The following CANT1 variants were observed in gnomAD, a reference collection of about 807,000 sequenced individuals.
CANT1 encodes calcium activated nucleotidase 1.
Under a neutral mutation model 30.0 loss-of-function variants are expected in CANT1, and 26 were observed. The ratio of observed to expected loss-of-function variants is 0.87; its 90% CI spans 0.64 to 1.20. The LOEUF (loss-of-function observed/expected upper bound fraction) is 1.20, where lower values mean the gene tolerates loss of function less well. Ranked by LOEUF, CANT1 falls within the 50% of genes most tolerant of loss-of-function variation. The pLI is 0.00. For synonymous variants in CANT1, 246 were observed against 251.8 expected, an observed-to-expected ratio of 0.98 and a Z score of 0.22; for missense variants, 518 against 563.0, an observed-to-expected ratio of 0.92 and a Z score of 0.81.
Position 78,993,819 on chromosome 17 carries a change from C to G in CANT1, c.937G>C (p.Glu313Gln). The part of the protein sequence containing the change: ...SQERYSEKDD[E>Q]RKGANLLLSA... The stretch of plus-strand genomic sequence containing the variant: ...AGCAGCAGGTTGGCGCCCTTGCGCT[C>G]GTCGTCCTTCTCGCTGTAGCGCTCC... The change falls in exon 5 of 5, where the codon GAG (glutamate) becomes CAG (glutamine). Residue 313 changes from glutamate to glutamine, a missense_variant. Physicochemically the swap from Glu to Gln is conservative, Grantham distance 29. Around this residue, in one of 3 missense-constraint regions of CANT1, gnomAD observed 221 missense variants for 211.8 expected, o/e 1.04. Transcript: ENST00000392446. This position sits in a 1 kb window ranked among gnomAD's most constrained non-coding sequence, Gnocchi z 4.5. 2 of 1,606,544 alleles carry G rather than the reference C, an allele frequency of 1.2e-6. No individual in the cohort carries two copies. The highest frequency in any genetic ancestry group is 2.2e-5 in the South Asian group (2 of 90,948).
chr17:79,007,709 C>T (rs148299366), intron 1 of CANT1, among the ~76,000 whole-genome samples: 4 of 152,314 alleles, frequency 2.6e-5, no homozygotes, highest in Admixed American at 6.5e-5. Context: ...GGGGGTCCTG[C>T]AGACCAGGTG....
Position 79,002,680 on chromosome 17 carries a change from T to G in CANT1, c.-146-4717A>C, listed in dbSNP as rs1435158395. On this transcript the variant is annotated intron_variant, in intron 1 of 4. Transcript: ENST00000392446. The surrounding 1 kb of genome is among the most constrained non-coding windows in gnomAD (Gnocchi z 4.0). ...GCTGAAAATACTGACTCCCTGTCCC[T>G]CGACAGATCCCTGGTCAAGACCATC... 2.0e-5 allele frequency among the ~76,000 whole-genome samples: 3 copies of G among 152,178 alleles called. No homozygotes were observed. Among genetic ancestry groups the G allele is most frequent in the African/African-American group, 7.2e-5 (3 of 41,432 alleles).
chr17:79,003,453 T>G (rs1253008815), intron 1 of CANT1, among the ~76,000 whole-genome samples: 12 of 83,118 alleles, frequency 1.4e-4, no homozygotes, highest in African/African-American at 2.0e-4. Flanking sequence ...TTTTCGGGGG[T>G]GGGGGGTGGG....
Position 79,002,812 on chromosome 17 carries a change from G to C in CANT1, c.-146-4849C>G, listed in dbSNP as rs1306303676. On this transcript the variant is annotated intron_variant, in intron 1 of 4. Coordinates refer to ENST00000392446, the MANE Select transcript of CANT1 (RefSeq NM_001159773.2). This position sits in a 1 kb window ranked among gnomAD's most constrained non-coding sequence, Gnocchi z 4.0. Reference sequence around the variant, plus strand: ...TTCCATCTGAAGGACAAACGTCTCAGCCTGCAGAGAAAGCCTCAGTGGGTT... The same window carrying C: ...TTCCATCTGAAGGACAAACGTCTCACCCTGCAGAGAAAGCCTCAGTGGGTT... Among the ~76,000 whole-genome samples, 1 of 152,224 alleles carries C rather than the reference G, an allele frequency of 6.6e-6. No individual in the cohort carries two copies. Among genetic ancestry groups the C allele is most frequent in the Non-Finnish European group, 1.5e-5 (1 of 68,024 alleles).
intron 1 of CANT1, among the ~76,000 whole-genome samples, chr17:79,007,717 G>T (rs2071600694): frequency 6.6e-6 from 1 of 152,200 alleles, no homozygotes; most frequent in Non-Finnish European, 1.5e-5. Flanking sequence ...TGCAGACCAG[G>T]TGCACAGTGA....
chr17:78,998,972 G>T lies in CANT1; in HGVS notation c.-146-1009C>A, dbSNP rs139484508. Among the ~76,000 whole-genome samples the T allele has an allele frequency of 0.01, 1,524 of 152,258 alleles. 26 individuals carry two copies. Among genetic ancestry groups the T allele is most frequent in the African/African-American group, 0.034 (1,427 of 41,538 alleles). ...CTCCAGTGGCTCCGTGCAATTCTGG[G>T]CCCCAAATATGTGGACCACGAGGCC... On this transcript the variant is annotated intron_variant, in intron 1 of 4. Transcript: ENST00000392446. This position sits in a 1 kb window ranked among gnomAD's most constrained non-coding sequence, Gnocchi z 4.5.
In CANT1 at chr17:78,992,738, G is replaced by A. The variant is rs776824689; in HGVS notation, c.*812C>T. ...GAGACTTGCTTCACCAGCCGCCACC[G>A]CTTCCTTACAATCTCCCGCACTGCT... is the stretch of plus-strand genomic sequence containing the variant. On this transcript the variant is annotated 3_prime_UTR_variant, in exon 5 of 5. Coordinates refer to ENST00000392446, the MANE Select transcript of CANT1 (RefSeq NM_001159773.2). 5.4e-5 allele frequency: 32 copies of A among 595,526 alleles called. No homozygotes were observed. The highest frequency in any genetic ancestry group is 7.4e-5 in the Admixed American group (4 of 53,744). The allele number at this position is 595,526 out of a possible 1,614,324, so 36.9% of individuals were successfully genotyped here. A position where few individuals can be genotyped will look rare whatever the true frequency, so the allele number is the denominator to read the frequency against.
chr17:79,007,173 C>A (rs1029937666), intron 1 of CANT1, among the ~76,000 whole-genome samples: 2 of 152,234 alleles, frequency 1.3e-5, no homozygotes, highest in Non-Finnish European at 2.9e-5. Flanking sequence ...TCTCCCCAAA[C>A]AGACTTCTCT....
intron 1 of CANT1, among the ~76,000 whole-genome samples, chr17:79,007,188 C>A (rs1301712971): frequency 6.6e-6 from 1 of 152,182 alleles, no homozygotes; most frequent in Non-Finnish European, 1.5e-5. Flanking sequence ...TTCTCTACTG[C>A]CAGGATGATT....
chr17:78,994,157 T>C (rs561129750), intron 4 of CANT1, among the ~76,000 whole-genome samples: 144 of 151,148 alleles, frequency 9.5e-4, no homozygotes, highest in African/African-American at 3.3e-3. Context: ...CACCGAGAGC[T>C]GCCTGTGAGC....
rs2071254121 is a variant in CANT1 at position 79,001,368 on chromosome 17, G to A, written c.-146-3405C>T. Among the ~76,000 whole-genome samples, 3 of 152,242 alleles carry A rather than the reference G, an allele frequency of 2.0e-5. No individual in the cohort carries two copies. The South Asian group carries it at 6.2e-4, about 32-fold the overall frequency. Reference sequence around the variant, plus strand: ...GGGCTCACACCTGCCACTCAGGTCAGTCCCCCCAGCCGCCGGGCACCTGCT... The same window carrying A: ...GGGCTCACACCTGCCACTCAGGTCAATCCCCCCAGCCGCCGGGCACCTGCT... On this transcript the variant is annotated intron_variant, in intron 1 of 4. Coordinates refer to ENST00000392446, the MANE Select transcript of CANT1 (RefSeq NM_001159773.2).
Position 78,992,852 on chromosome 17 carries a change from G to A in CANT1, c.*698C>T. On this transcript the variant is annotated 3_prime_UTR_variant, in exon 5 of 5. Transcript: ENST00000392446. ...AAGAAAGGAAACTGCTTTAATTAAA[G>A]CAGGTTAATAATTAAAACTTCAAAG... 1 of 376,646 alleles carries A rather than the reference G, an allele frequency of 2.7e-6. No individual in the cohort carries two copies. Among genetic ancestry groups the A allele is most frequent in the South Asian group, 2.7e-5 (1 of 36,766 alleles). The allele number at this position is 376,646 out of a possible 1,614,324, so 23.3% of individuals were successfully genotyped here.
Position 78,995,146 on chromosome 17 carries a change from G to C in CANT1, c.707C>G (p.Thr236Ser), listed in dbSNP as rs1368060272. 6.2e-7 allele frequency: 1 copy of C among 1,613,974 alleles called. No individual in the cohort carries two copies. Among genetic ancestry groups the C allele is most frequent in the Non-Finnish European group, 8.5e-7 (1 of 1,180,000 alleles). Residue 236 changes from threonine to serine, a missense_variant, in exon 4 of 5, where the codon ACT (threonine) becomes AGT (serine). By Grantham distance (58) the Thr-to-Ser change is moderately conservative (BLOSUM62 1). Transcript: ENST00000392446. This position sits in a 1 kb window ranked among gnomAD's most constrained non-coding sequence, Gnocchi z 5.7. The part of the protein sequence containing the change: ...VGGLGKEWTT[T>S]TGDVVNENPE... Reference sequence around the variant, plus strand: ...GTTCTCGTTCACCACATCACCCGTAGTGGTCGTCCACTCCTTGCCCAGGCC... The same window carrying C: ...GTTCTCGTTCACCACATCACCCGTACTGGTCGTCCACTCCTTGCCCAGGCC...
rs8078860 is a variant in CANT1, at chr17:78,992,457, G to A, written c.*1093C>T. On this transcript the variant is annotated 3_prime_UTR_variant, in exon 5 of 5. Coordinates refer to ENST00000392446, the MANE Select transcript of CANT1 (RefSeq NM_001159773.2). ...CCTTCACCCTGGAGTACACTCCAGC[G>A]AAGCCGAGGCCCAGCCAACGCTCGT... The A allele has an allele frequency of 5.0e-3, 1,824 of 368,382 alleles. 8 individuals carry two copies. The highest frequency in any genetic ancestry group is 0.019 in the African/African-American group (949 of 49,474). 22.8% of individuals were successfully genotyped at this position (368,382 alleles called of 1,614,324 possible).
chr17:78,993,753 C>G lies in CANT1; in HGVS notation c.1003G>C (p.Val335Leu), dbSNP rs1380784390. Residue 335 changes from valine (V) to leucine (L), a missense_variant, in exon 5 of 5, where the codon GTC becomes CTC. Coordinates refer to ENST00000392446, the MANE Select transcript of CANT1 (RefSeq NM_001159773.2). The surrounding 1 kb of genome is among the most constrained non-coding windows in gnomAD (Gnocchi z 4.5). ...PDFGDIAVSH[V>L]GAVVPTHGFS... ...CCGTGAGTGGGGACCACCGCCCCGA[C>G]GTGGCTCACAGCGATGTCGCCGAAG... 1 of 1,613,596 alleles carries G rather than the reference C, an allele frequency of 6.2e-7. No homozygotes were observed. The highest frequency in any genetic ancestry group is 1.7e-5 in the Admixed American group (1 of 60,004).
In CANT1 at chr17:78,993,727, G is replaced by A. The variant is rs780015862; in HGVS notation, c.1029C>T (p.Gly343=). ...TGGGGATGAACTTGAAGGACGAGAAGCCGTGAGTGGGGACCACCGCCCCGA... is the reference window on the plus strand; with the variant it reads ...TGGGGATGAACTTGAAGGACGAGAAACCGTGAGTGGGGACCACCGCCCCGA... ...SHVGAVVPTH[G]FSSFKFIPNT... Residue 343 remains glycine (G), a synonymous_variant, in exon 5 of 5, where the codon GGC becomes GGT. Coordinates refer to ENST00000392446, the MANE Select transcript of CANT1 (RefSeq NM_001159773.2). The surrounding 1 kb of genome is among the most constrained non-coding windows in gnomAD (Gnocchi z 4.5). 1.2e-6 allele frequency: 2 copies of A among 1,614,030 alleles called. No individual in the cohort carries two copies. Among genetic ancestry groups the A allele is most frequent in the African/African-American group, 2.7e-5 (2 of 75,064 alleles).
chr17:78,996,919 C>T lies in CANT1; in HGVS notation c.631+73G>A, dbSNP rs776324013. The T allele has an allele frequency of 3.1e-6, 5 of 1,591,312 alleles. No homozygotes were observed. Among genetic ancestry groups the T allele is most frequent in the Non-Finnish European group, 4.3e-6 (5 of 1,167,138 alleles). On this transcript the variant is annotated intron_variant, in intron 3 of 4. Transcript: ENST00000392446. The surrounding 1 kb of genome is among the most constrained non-coding windows in gnomAD (Gnocchi z 5.1). ...AGGTGTGTGAATTCTTTACCATGTG[C>T]CTGTGTTTGCCAGCCAGGCCCTGAG... is the stretch of plus-strand genomic sequence containing the variant.
chr17:78,995,130 C>G lies in CANT1; in HGVS notation c.723G>C (p.Val241=). ...CCTTCACCCACTCCGGGTTCTCGTT[C>G]ACCACATCACCCGTAGTGGTCGTCC... is the stretch of plus-strand genomic sequence containing the variant. ...KEWTTTTGDV[V]NENPEWVKVV... The change falls in exon 4 of 5, where the codon GTG becomes GTC. Residue 241 remains valine (V), a synonymous_variant. Transcript: ENST00000392446. This position sits in a 1 kb window ranked among gnomAD's most constrained non-coding sequence, Gnocchi z 5.7. 6.2e-7 allele frequency: 1 copy of G among 1,614,030 alleles called. No homozygotes were observed.
intron 1 of CANT1, among the ~76,000 whole-genome samples, chr17:79,005,792 C>T (rs983415641): frequency 6.6e-5 from 10 of 152,146 alleles, no homozygotes; most frequent in Admixed American, 2.6e-4. Flanking sequence ...CTCTTCAGCA[C>T]AGCCAAGGCA....
Sources: allele counts gnomAD v4.1 joint callset (sites outside exome capture counted in the v4.1 genomes callset), GRCh38; gene constraint gnomAD v4.1.1; regional missense constraint gnomAD v4.1.1; non-coding constraint Gnocchi (gnomAD v3.1); transcripts MANE v1.5; gene names NCBI Gene and HGNC (gene_info 2026-07-23, HGNC 2026-07-21).